The following KRTAP10-4 variants were observed in gnomAD, a reference collection of about 807,000 sequenced individuals.
The protein encoded by KRTAP10-4 is keratin-associated protein 10-4.
For missense variants in KRTAP10-4, 374 were observed against 507.6 expected (o/e 0.74, Z 2.53); for synonymous variants, 147 against 213.7 (o/e 0.69, Z 2.72).
Position 44,574,617 on chromosome 21 carries a change from G to T in KRTAP10-4, c.859G>T (p.Val287Leu). ...KPVCCKPVCS[V>L]PICSGASSLC... ...TGTGTGCTGCAAGCCTGTCTGCTCT[G>T]TGCCCATCTGCTCTGGGGCTTCCTC... The change falls in exon 1 of 1, where the codon GTG becomes TTG. Residue 287 changes from valine to leucine, a missense_variant. By Grantham distance (32) the Val-to-Leu change is conservative (BLOSUM62 1). Transcript: ENST00000400374. 1 of 1,292,196 alleles carries T rather than the reference G, an allele frequency of 7.7e-7. No individual in the cohort carries two copies. The highest frequency in any genetic ancestry group is 1.0e-6 in the Non-Finnish European group (1 of 972,500). The allele number at this position is 1,292,196 out of a possible 1,614,324, so 80.0% of individuals were successfully genotyped here. A position where few individuals can be genotyped will look rare whatever the true frequency, so the allele number is the denominator to read the frequency against.
chr21:44,574,599 T>A lies in KRTAP10-4; in HGVS notation c.841T>A (p.Cys281Ser), dbSNP rs782513789. ...CVPVCCKPVC[C>S]KPVCSVPICS... ...GCCTGTCTGCTGCAAGCCTGTGTGC[T>A]GCAAGCCTGTCTGCTCTGTGCCCAT... Residue 281 changes from cysteine (C) to serine (S), a missense_variant, in exon 1 of 1, where the codon TGC (cysteine) becomes AGC (serine). Coordinates refer to ENST00000400374, the MANE Select transcript of KRTAP10-4 (RefSeq NM_198687.2). 1 of 1,301,046 alleles carries A rather than the reference T, an allele frequency of 7.7e-7. No individual in the cohort carries two copies. The highest frequency in any genetic ancestry group is 1.7e-5 in the South Asian group (1 of 60,288). 80.6% of individuals were successfully genotyped at this position (1,301,046 alleles called of 1,614,324 possible).
At position 44,574,860 on chromosome 21, in the gene KRTAP10-4, G is replaced by A. The variant is rs200549813; in HGVS notation, c.1102G>A (p.Val368Met). ...CTCCGTGTCCCTCCTCTGCCGCCCCGTGTGCAGGCCCGCCTGCTGCGTGCC... is the reference window on the plus strand; with the variant it reads ...CTCCGTGTCCCTCCTCTGCCGCCCCATGTGCAGGCCCGCCTGCTGCGTGCC... ...SSSVSLLCRP[V>M]CRPACCVPVP... is the part of the protein sequence containing the mutation. The change falls in exon 1 of 1, where the codon GTG becomes ATG. Residue 368 changes from valine (V) to methionine (M), a missense_variant. Physicochemically the swap from Val to Met is conservative, Grantham distance 21. Coordinates refer to ENST00000400374, the MANE Select transcript of KRTAP10-4 (RefSeq NM_198687.2). 169 of 1,612,362 alleles carry A rather than the reference G, an allele frequency of 1.0e-4. No homozygotes were observed. The highest frequency in any genetic ancestry group is 1.2e-4 in the Non-Finnish European group (146 of 1,179,772).
rs1228311734 is a variant in KRTAP10-4 at position 44,574,594 on chromosome 21, T to A, written c.836T>A (p.Val279Glu). The A allele has an allele frequency of 4.6e-6, 6 of 1,303,316 alleles. No individual in the cohort carries two copies. The highest frequency in any genetic ancestry group is 6.1e-6 in the Non-Finnish European group (6 of 976,700). The allele number at this position is 1,303,316 out of a possible 1,614,324, so 80.7% of individuals were successfully genotyped here. A position where few individuals can be genotyped will look rare whatever the true frequency, so the allele number is the denominator to read the frequency against. ...ACCVPVCCKP[V>E]CCKPVCSVPI... ...TGTGTGCCTGTCTGCTGCAAGCCTGTGTGCTGCAAGCCTGTCTGCTCTGTG... is the reference window on the plus strand; with the variant it reads ...TGTGTGCCTGTCTGCTGCAAGCCTGAGTGCTGCAAGCCTGTCTGCTCTGTG... The change falls in exon 1 of 1, where the codon GTG becomes GAG. Residue 279 changes from valine to glutamate, a missense_variant. Physicochemically the swap from Val to Glu is moderately radical, Grantham distance 121 (BLOSUM62 -2). Coordinates refer to ENST00000400374, the MANE Select transcript of KRTAP10-4 (RefSeq NM_198687.2).
In KRTAP10-4 at chr21:44,574,533, G is replaced by A. The variant is rs782279948; in HGVS notation, c.775G>A (p.Ala259Thr). 1.2e-6 allele frequency: 2 copies of A among 1,609,092 alleles called. No individual in the cohort carries two copies. The highest frequency in any genetic ancestry group is 1.7e-6 in the Non-Finnish European group (2 of 1,179,268). ...SCCQQSSCQP[A>T]CCTSSPCQQA... The stretch of plus-strand genomic sequence containing the variant: ...CTGCCAGCAGTCTAGCTGCCAGCCG[G>A]CTTGCTGCACCTCCTCTCCCTGCCA... Residue 259 changes from alanine to threonine, a missense_variant, in exon 1 of 1, where the codon GCT becomes ACT. By Grantham distance (58) the Ala-to-Thr change is moderately conservative. Coordinates refer to ENST00000400374, the MANE Select transcript of KRTAP10-4 (RefSeq NM_198687.2).
chr21:44,575,268 G>T lies in KRTAP10-4; in HGVS notation c.*304G>T. 1.9e-6 allele frequency: 1 copy of T among 539,898 alleles called. No individual in the cohort carries two copies. The highest frequency in any genetic ancestry group is 3.4e-6 in the Non-Finnish European group (1 of 292,324). 33.4% of individuals were successfully genotyped at this position (539,898 alleles called of 1,614,324 possible). On this transcript the variant is annotated 3_prime_UTR_variant, in exon 1 of 1. Transcript: ENST00000400374. ...CCCACCTCTCATGAGGGTCAGTTCA[G>T]CCTTGACCCGTGAGGTCTCTGTCCT...
rs12626886 is a variant in KRTAP10-4 at position 44,574,966 on chromosome 21, G to T, written c.*2G>T. The stretch of plus-strand genomic sequence containing the variant: ...GCCTCCTGCGTGTCCCTCCTCTGAC[G>T]CCCCGTGTGCTCCCGCCCAGCCTGC... On this transcript the variant is annotated 3_prime_UTR_variant, in exon 1 of 1. Coordinates refer to ENST00000400374, the MANE Select transcript of KRTAP10-4 (RefSeq NM_198687.2). The T allele has an allele frequency of 1.9e-6, 3 of 1,612,616 alleles. No individual in the cohort carries two copies. The South Asian group carries it at 3.3e-5, about 18-fold the overall frequency.
At position 44,573,736 on chromosome 21, in the gene KRTAP10-4, C is replaced by A. The variant is rs199689212; in HGVS notation, c.-23C>A. ...CTCCCTCCCATCTCCCCCAGCTCAA[C>A]CCCCAGCACAGCAGCATCCACCATG... On this transcript the variant is annotated 5_prime_UTR_variant, in exon 1 of 1. Transcript: ENST00000400374. The A allele has an allele frequency of 6.2e-7, 1 of 1,603,890 alleles. No individual in the cohort carries two copies. The highest frequency in any genetic ancestry group is 2.2e-5 in the East Asian group (1 of 44,754).
In KRTAP10-4 at chr21:44,575,218, T is replaced by C. The variant is rs1978353809; in HGVS notation, c.*254T>C. On this transcript the variant is annotated 3_prime_UTR_variant, in exon 1 of 1. Coordinates refer to ENST00000400374, the MANE Select transcript of KRTAP10-4 (RefSeq NM_198687.2). ...GGGGGGCGCTTCTAGAAAGTTCCCATGGCAGTGGCCTCCCCTCCATATCTC... is the reference window on the plus strand; with the variant it reads ...GGGGGGCGCTTCTAGAAAGTTCCCACGGCAGTGGCCTCCCCTCCATATCTC... 6 of 627,170 alleles carry C rather than the reference T, an allele frequency of 9.6e-6. No homozygotes were observed. Among genetic ancestry groups the C allele is most frequent in the Non-Finnish European group, 1.7e-5 (6 of 354,218 alleles). 38.9% of individuals were successfully genotyped at this position (627,170 alleles called of 1,614,324 possible).
chr21:44,573,877 C>A lies in KRTAP10-4; in HGVS notation c.119C>A (p.Pro40His), dbSNP rs782039372. 85 of 1,612,786 alleles carry A rather than the reference C, an allele frequency of 5.3e-5. No individual in the cohort carries two copies. The African/African-American group carries it at 5.8e-4, about 11-fold the overall frequency. ...TGCCCAGAGAGCTGCTGCGAGCCCC[C>A]CTGCTGCGCCCCCAGCTGCTGCGCC... Reference protein sequence around the residue: ...DDCPESCCEPPCCAPSCCAPA... With the variant: ...DDCPESCCEPHCCAPSCCAPA... The change falls in exon 1 of 1, where the codon CCC (proline) becomes CAC (histidine). Residue 40 changes from proline to histidine, a missense_variant. Physicochemically the swap from Pro to His is moderately conservative, Grantham distance 77 (BLOSUM62 -2). Coordinates refer to ENST00000400374, the MANE Select transcript of KRTAP10-4 (RefSeq NM_198687.2).
rs879956299 is a variant in KRTAP10-4 at position 44,574,784 on chromosome 21, A to G, written c.1026A>G (p.Gln342=). Residue 342 remains glutamine (Q), a synonymous_variant, in exon 1 of 1, where the codon CAA becomes CAG. Transcript: ENST00000400374. ...CSGASSSCCQ[Q]SSCQPACCTT... is the part of the protein sequence containing the mutation. ...GGGCTTCCTCTTCATGCTGCCAGCA[A>G]TCTAGCTGCCAGCCAGCTTGCTGCA... is the stretch of plus-strand genomic sequence containing the variant. The G allele has an allele frequency of 5.6e-6, 9 of 1,609,676 alleles. No homozygotes were observed. The highest frequency in any genetic ancestry group is 5.5e-5 in the African/African-American group (4 of 73,360).
rs886727014 is a variant in KRTAP10-4 at position 44,575,185 on chromosome 21, C to T, written c.*221C>T. 32 of 768,030 alleles carry T rather than the reference C, an allele frequency of 4.2e-5. No homozygotes were observed. The highest frequency in any genetic ancestry group is 2.9e-4 in the Admixed American group (10 of 33,960). 47.6% of individuals were successfully genotyped at this position (768,030 alleles called of 1,614,324 possible). A position where few individuals can be genotyped will look rare whatever the true frequency, so the allele number is the denominator to read the frequency against. The stretch of plus-strand genomic sequence containing the variant: ...TATACTCAATGCTGCAGCCCTCTTG[C>T]GGGGGGAGGGGGGCGCTTCTAGAAA... On this transcript the variant is annotated 3_prime_UTR_variant, in exon 1 of 1. Transcript: ENST00000400374.
rs1555923748 is a variant in KRTAP10-4 at position 44,575,091 on chromosome 21, A to C, written c.*127A>C. ...CCTGAAAGCTGATAGTCGCGTCCTG[A>C]ATTGCTCCTGCACTTTGACCATTTC... On this transcript the variant is annotated 3_prime_UTR_variant, in exon 1 of 1. Coordinates refer to ENST00000400374, the MANE Select transcript of KRTAP10-4 (RefSeq NM_198687.2). 2.2e-6 allele frequency: 3 copies of C among 1,373,014 alleles called. No individual in the cohort carries two copies. The highest frequency in any genetic ancestry group is 2.9e-5 in the African/African-American group (2 of 69,002). The allele number at this position is 1,373,014 out of a possible 1,614,324, so 85.1% of individuals were successfully genotyped here. A position where few individuals can be genotyped will look rare whatever the true frequency, so the allele number is the denominator to read the frequency against.
In KRTAP10-4 at chr21:44,574,270, C is replaced by T. The variant is rs782820585; in HGVS notation, c.512C>T (p.Ser171Leu). 7.5e-6 allele frequency: 12 copies of T among 1,605,032 alleles called. No individual in the cohort carries two copies. Among genetic ancestry groups the T allele is most frequent in the Non-Finnish European group, 8.5e-6 (10 of 1,176,128 alleles). Residue 171 changes from serine (S) to leucine (L), a missense_variant, in exon 1 of 1, where the codon TCG (serine) becomes TTG (leucine). Ser to Leu is a moderately radical substitution (Grantham distance 145). Coordinates refer to ENST00000400374, the MANE Select transcript of KRTAP10-4 (RefSeq NM_198687.2). ...CCTGTCTGCTCTGGGATTTCCTCTT[C>T]GTGCTGCCAGCAGTCTAGCTGTGTG... Reference protein sequence around the residue: ...CKPVCSGISSSCCQQSSCVSC... With the variant: ...CKPVCSGISSLCCQQSSCVSC...
the KRTAP10-4 span, chr21:44,574,182 C>T: frequency 1.2e-6 from 2 of 1,610,466 alleles, no homozygotes; most frequent in South Asian, 1.1e-5. Context: ...GTCTAGCTGC[C>T]AGTCAGCTTG....
At position 44,575,191 on chromosome 21, in the gene KRTAP10-4, G is replaced by A. The variant is rs1309210328; in HGVS notation, c.*227G>A. 1 of 739,044 alleles carries A rather than the reference G, an allele frequency of 1.4e-6. No individual in the cohort carries two copies. Among genetic ancestry groups the A allele is most frequent in the Non-Finnish European group, 2.2e-6 (1 of 453,090 alleles). The allele number at this position is 739,044 out of a possible 1,614,324, so 45.8% of individuals were successfully genotyped here. On this transcript the variant is annotated 3_prime_UTR_variant, in exon 1 of 1. Coordinates refer to ENST00000400374, the MANE Select transcript of KRTAP10-4 (RefSeq NM_198687.2). ...CAATGCTGCAGCCCTCTTGCGGGGGGAGGGGGGCGCTTCTAGAAAGTTCCC... is the reference window on the plus strand; with the variant it reads ...CAATGCTGCAGCCCTCTTGCGGGGGAAGGGGGGCGCTTCTAGAAAGTTCCC...
At position 44,574,230 on chromosome 21, in the gene KRTAP10-4, C is replaced by G. The variant is rs782378314; in HGVS notation, c.472C>G (p.Pro158Ala). Residue 158 changes from proline (P) to alanine (A), a missense_variant, in exon 1 of 1, where the codon CCC (proline) becomes GCC (alanine). Pro to Ala is a conservative substitution (Grantham distance 27). Transcript: ENST00000400374. ...SSPCQQACCV[P>A]ICCKPVCSGI... Reference sequence around the variant, plus strand: ...CCCCTGCCAGCAGGCCTGCTGTGTGCCCATCTGCTGCAAGCCTGTCTGCTC... The same window carrying G: ...CCCCTGCCAGCAGGCCTGCTGTGTGGCCATCTGCTGCAAGCCTGTCTGCTC... 17 of 1,604,006 alleles carry G rather than the reference C, an allele frequency of 1.1e-5. No individual in the cohort carries two copies. The South Asian group carries it at 1.7e-4, about 16-fold the overall frequency.
In KRTAP10-4 at chr21:44,574,091, G is replaced by A. The variant is rs1978304174; in HGVS notation, c.333G>A (p.Val111=). 1.2e-6 allele frequency: 2 copies of A among 1,609,086 alleles called. No individual in the cohort carries two copies. Among genetic ancestry groups the A allele is most frequent in the South Asian group, 2.2e-5 (2 of 90,914 alleles). ...ASSPCQQACC[V]PVCCKTVCCK... The stretch of plus-strand genomic sequence containing the variant: ...CCCCCTGCCAGCAGGCCTGCTGCGT[G>A]CCCGTCTGCTGCAAGACTGTCTGCT... Residue 111 remains valine (V), a synonymous_variant, in exon 1 of 1, where the codon GTG becomes GTA. Transcript: ENST00000400374.
Position 44,574,633 on chromosome 21 carries a change from G to A in KRTAP10-4, c.875G>A (p.Gly292Glu), listed in dbSNP as rs782376734. 7.8e-7 allele frequency: 1 copy of A among 1,287,516 alleles called. No individual in the cohort carries two copies. The highest frequency in any genetic ancestry group is 1.0e-6 in the Non-Finnish European group (1 of 970,566). The allele number at this position is 1,287,516 out of a possible 1,614,324, so 79.8% of individuals were successfully genotyped here. Reference protein sequence around the residue: ...KPVCSVPICSGASSLCCQQSS... With the variant: ...KPVCSVPICSEASSLCCQQSS... ...GTCTGCTCTGTGCCCATCTGCTCTG[G>A]GGCTTCCTCTCTGTGCTGCCAGCAG... Residue 292 changes from glycine to glutamate, a missense_variant, in exon 1 of 1, where the codon GGG (glycine) becomes GAG (glutamate). Physicochemically the swap from Gly to Glu is moderately conservative, Grantham distance 98. Coordinates refer to ENST00000400374, the MANE Select transcript of KRTAP10-4 (RefSeq NM_198687.2).
rs781994020 is a variant in KRTAP10-4, at chr21:44,575,189, G to A, written c.*225G>A. On this transcript the variant is annotated 3_prime_UTR_variant, in exon 1 of 1. Coordinates refer to ENST00000400374, the MANE Select transcript of KRTAP10-4 (RefSeq NM_198687.2). The stretch of plus-strand genomic sequence containing the variant: ...CTCAATGCTGCAGCCCTCTTGCGGG[G>A]GGAGGGGGGCGCTTCTAGAAAGTTC... 1.5e-4 allele frequency: 111 copies of A among 750,236 alleles called. No homozygotes were observed. The highest frequency in any genetic ancestry group is 2.2e-4 in the Non-Finnish European group (101 of 463,124). The allele number at this position is 750,236 out of a possible 1,614,324, so 46.5% of individuals were successfully genotyped here.
Sources: allele counts gnomAD v4.1 joint callset, GRCh38; gene constraint gnomAD v4.1.1; transcripts MANE v1.5; gene names NCBI Gene and HGNC (gene_info 2026-07-23, HGNC 2026-07-21).